Variants in PTPRA observed in about 807,000 individuals in gnomAD.
The protein encoded by PTPRA is protein tyrosine phosphatase receptor type A, also known as receptor-type tyrosine-protein phosphatase alpha.
Under a neutral mutation model 104.8 loss-of-function variants are expected in PTPRA, and 25 were observed. The observed-to-expected ratio is 0.24, with a 90% confidence interval of 0.17 to 0.33. The LOEUF (loss-of-function observed/expected upper bound fraction) is 0.33. Ranked by LOEUF, PTPRA falls within the 10% of genes least tolerant of loss-of-function variation. The pLI is 1.00. For missense variants in PTPRA, 765 were observed against 1,015.3 expected (o/e 0.75, Z 3.35); for synonymous variants, 323 against 368.9 (o/e 0.88, Z 1.43).
intron 2 of PTPRA, among the ~76,000 whole-genome samples, chr20:2,932,903 C>T (rs1483827812): frequency 6.6e-6 from 1 of 152,120 alleles, no homozygotes; most frequent in African/African-American, 2.4e-5. Flanking sequence ...TTTTCACTAA[C>T]ATCATTAAAA....
chr20:2,967,808 C>T (rs1242056845), intron 5 of PTPRA, among the ~76,000 whole-genome samples: 1 of 152,198 alleles, frequency 6.6e-6, no homozygotes, highest in Non-Finnish European at 1.5e-5. Context: ...CTGCAGTGAG[C>T]TGTGTTCATA....
intron 9 of PTPRA, among the ~76,000 whole-genome samples, chr20:3,002,934 T>A (rs1600237308): frequency 1.3e-5 from 2 of 152,178 alleles, no homozygotes; most frequent in African/African-American, 4.8e-5. Flanking sequence ...ATACCTGCAC[T>A]GATTTTCGGT....
chr20:2,935,030 C>T (rs6132993), intron 2 of PTPRA, among the ~76,000 whole-genome samples: 3 of 152,048 alleles, frequency 2.0e-5, no homozygotes, highest in Non-Finnish European at 2.9e-5. Flanking sequence ...TATTAATATC[C>T]TTTTTAAAAA....
intron 1 of PTPRA, among the ~76,000 whole-genome samples, chr20:2,876,955 G>A (rs971851051): frequency 1.3e-5 from 2 of 152,194 alleles, no homozygotes; most frequent in Non-Finnish European, 2.9e-5. Context: ...AGATGTTGAG[G>A]CTCAGAAGGA....
chr20:3,026,169 C>T (rs535560836), intron 17 of PTPRA, among the ~76,000 whole-genome samples: 1 of 151,970 alleles, frequency 6.6e-6, no homozygotes, highest in Admixed American at 6.5e-5. Context: ...AACTCCTAAC[C>T]TCAGTTGATT....
chr20:2,965,043 A>G lies in PTPRA; in HGVS notation c.256A>G (p.Asn86Asp), dbSNP rs774239447. ...LTTVNSSDSD[N>D]GTTRTASTNS... Reference sequence around the variant, plus strand: ...CACTGTCAATTCTTCAGACTCTGACAATGGGACCACAAGAACAGCAAGCAC... The same window carrying G: ...CACTGTCAATTCTTCAGACTCTGACGATGGGACCACAAGAACAGCAAGCAC... Residue 86 changes from asparagine to aspartate, a missense_variant, in exon 5 of 24, where the codon AAT (asparagine) becomes GAT (aspartate). Physicochemically the swap from Asn to Asp is conservative, Grantham distance 23. Around this residue, in one of 4 missense-constraint regions of PTPRA, gnomAD observed 256 missense variants for 248.9 expected, o/e 1.03. Coordinates refer to ENST00000399903, the MANE Select transcript of PTPRA (RefSeq NM_001385305.1). 3.1e-5 allele frequency: 50 copies of G among 1,614,046 alleles called. 3 individuals are homozygous for G. The South Asian group carries it at 5.2e-4, about 17-fold the overall frequency.
chr20:2,907,268 CTTA>C (rs2059460096), intron 1 of PTPRA, among the ~76,000 whole-genome samples: 2 of 151,300 alleles, frequency 1.3e-5, no homozygotes, highest in South Asian at 2.1e-4. Flanking sequence ...TGAAAGCAGT[CTTA>C]TTGTTGTGAA....
intron 2 of PTPRA, among the ~76,000 whole-genome samples, chr20:2,927,609 C>T (rs1191598013): frequency 2.6e-5 from 4 of 152,216 alleles, no homozygotes; most frequent in African/African-American, 9.6e-5. Context: ...GCTGTCTACA[C>T]AGTCATATTG....
At chr20:3,003,965 A>C (rs1600238814) in intron 9 of PTPRA, among the ~76,000 whole-genome samples, 1 of 152,278 alleles carries the variant, frequency 6.6e-6, no homozygotes, top group East Asian at 1.9e-4. Flanking sequence ...TCTTTGCTAC[A>C]CATGAGATTA....
chr20:2,871,784 A>C (rs2089435198), upstream of PTPRA, among the ~76,000 whole-genome samples: 1 of 152,182 alleles, frequency 6.6e-6, no homozygotes, highest in Non-Finnish European at 1.5e-5. Flanking sequence ...ATCCACCCTC[A>C]CTGGGGTCTG....
chr20:2,972,127 C>T (rs2148001307), intron 5 of PTPRA, among the ~76,000 whole-genome samples: 1 of 152,206 alleles, frequency 6.6e-6, no homozygotes, highest in East Asian at 1.9e-4. Context: ...CTGCGCCCTG[C>T]CAGTTTTTAT....
At chr20:2,981,872 C>A (rs2062687587) in intron 6 of PTPRA, among the ~76,000 whole-genome samples, 1 of 152,220 alleles carries the variant, frequency 6.6e-6, no homozygotes, top group Non-Finnish European at 1.5e-5. Flanking sequence ...TCTGTTTGAT[C>A]TCTTGGACAT....
In PTPRA at chr20:3,027,164, G is replaced by C; in HGVS notation, c.1752G>C (p.Glu584Asp). The C allele has an allele frequency of 6.2e-7, 1 of 1,614,186 alleles. No individual in the cohort carries two copies. Residue 584 changes from glutamate (E) to aspartate (D), a missense_variant, in exon 19 of 24, where the codon GAG becomes GAC. Transcript: ENST00000399903. ...TCATTCCAGTTAAGCGGGGCGAAGA[G>C]AATACAGACTATGTGAACGCATCCT... Reference protein sequence around the residue: ...RVIIPVKRGEENTDYVNASFI... With the variant: ...RVIIPVKRGEDNTDYVNASFI...
Position 2,910,329 on chromosome 20 carries a change from TATATA to T in PTPRA, c.-128-12872_-128-12868del, listed in dbSNP as rs1162081791. Among the ~76,000 whole-genome samples the T allele has an allele frequency of 1.1e-4, 14 of 129,968 alleles. No homozygotes were observed. The East Asian group carries it at 2.7e-3, about 25-fold the overall frequency. The allele number at this position is 129,968 out of a possible 152,430, so 85.3% of individuals were successfully genotyped here. A position where few individuals can be genotyped will look rare whatever the true frequency, so the allele number is the denominator to read the frequency against. ...TTTATATATTATAATATATATTTTA[TATATA>T]ATATATTTTGTATATTATATATTTT... On this transcript the variant is annotated intron_variant, in intron 1 of 23. Transcript: ENST00000399903.
At chr20:2,877,793 A>G (rs141960411) in intron 1 of PTPRA, among the ~76,000 whole-genome samples, 2,128 of 152,332 alleles carry the variant, frequency 0.014, 58 homozygotes, top group African/African-American at 0.048. Context: ...GTACATATAG[A>G]ATATGATTTT....
rs538120310 is a variant in PTPRA, at chr20:2,943,454, G to C, written c.-49-4528G>C. 2.1e-4 allele frequency among the ~76,000 whole-genome samples: 32 copies of C among 152,182 alleles called. No individual in the cohort carries two copies. In the South Asian group the frequency reaches 6.0e-3, roughly 29 times the overall value. ...GCCTTTTGTGCTATTCAGACCTTCA[G>C]TTGTATGGATGAAGCCCACCTACAT... On this transcript the variant is annotated intron_variant, in intron 2 of 23. Coordinates refer to ENST00000399903, the MANE Select transcript of PTPRA (RefSeq NM_001385305.1).
At chr20:2,866,457 C>G in the PTPRA span, 1 of 1,614,186 alleles carries the variant, frequency 6.2e-7, no homozygotes. Flanking sequence ...CAGATGTGGC[C>G]ATCGAACACC....
intron 1 of PTPRA, among the ~76,000 whole-genome samples, chr20:2,881,225 C>CG (rs2090030305): frequency 6.6e-6 from 1 of 151,834 alleles, no homozygotes; most frequent in Non-Finnish European, 1.5e-5. Flanking sequence ...GCAGGAGAAT[C>CG]CTCTGAGCCC....
intron 1 of PTPRA, among the ~76,000 whole-genome samples, chr20:2,903,476 A>G (rs1253453999): frequency 1.3e-5 from 2 of 152,172 alleles, no homozygotes; most frequent in African/African-American, 4.8e-5. Context: ...GCTTAAGGCT[A>G]GGAGTTCAAG....
Sources: allele counts gnomAD v4.1 joint callset (sites outside exome capture counted in the v4.1 genomes callset), GRCh38; gene constraint gnomAD v4.1.1; regional missense constraint gnomAD v4.1.1; transcripts MANE v1.5; gene names NCBI Gene and HGNC (gene_info 2026-07-23, HGNC 2026-07-21).